Variants in HTR4 observed in about 807,000 individuals in gnomAD.
HTR4 encodes 5-hydroxytryptamine (serotonin) receptor 4, G protein-coupled.
A neutral mutation model predicts 36.8 loss-of-function variants in HTR4; 16 were observed. The ratio of observed to expected loss-of-function variants is 0.43; its 90% CI spans 0.29 to 0.66. HTR4 has a LOEUF of 0.66. HTR4 is among the 30% of genes least tolerant of loss of function. HTR4 has a pLI of 0.13. For missense variants in HTR4, 438 were observed against 490.9 expected, an observed-to-expected ratio of 0.89 and a Z score of 1.02; for synonymous variants, 189 against 185.1, an observed-to-expected ratio of 1.02 and a Z score of -0.17.
intron 5 of HTR4, among the ~76,000 whole-genome samples, chr5:148,469,303 T>C (rs1755508136): frequency 6.6e-6 from 1 of 152,216 alleles, no homozygotes; most frequent in South Asian, 2.1e-4. Context: ...GTTAGCTTTT[T>C]TTATAGTCAT....
chr5:148,511,172 T>A, intron 5 of HTR4, among the ~76,000 whole-genome samples: 1 of 152,218 alleles, frequency 6.6e-6, no homozygotes, highest in East Asian at 1.9e-4. Flanking sequence ...TCTTCTTTTT[T>A]CGAATATTTT....
intron 2 of HTR4, among the ~76,000 whole-genome samples, chr5:148,609,637 C>T (rs1752326464): frequency 6.7e-6 from 1 of 149,846 alleles, no homozygotes; most frequent in Non-Finnish European, 1.5e-5. Context: ...GCGATCTAGG[C>T]TCACTGCACG....
chr5:148,536,211 T>G (rs1758817102), intron 4 of HTR4, among the ~76,000 whole-genome samples: 1 of 152,150 alleles, frequency 6.6e-6, no homozygotes, highest in Non-Finnish European at 1.5e-5. Flanking sequence ...CCACCAGACC[T>G]GCTTTACAAG....
At chr5:148,622,677 T>C (rs911836816) in intron 2 of HTR4, among the ~76,000 whole-genome samples, 2 of 152,250 alleles carry the variant, frequency 1.3e-5, no homozygotes, top group Non-Finnish European at 2.9e-5. Context: ...ATTTTCATTT[T>C]CCTTATCTAT....
chr5:148,558,614 C>T (rs1760059048), intron 2 of HTR4, among the ~76,000 whole-genome samples: 1 of 152,172 alleles, frequency 6.6e-6, no homozygotes, highest in Admixed American at 6.5e-5. Context: ...GGACACCTTG[C>T]TCCAAGTTGT....
intron 2 of HTR4, among the ~76,000 whole-genome samples, chr5:148,556,544 C>A (rs1167843960): frequency 6.6e-6 from 1 of 152,160 alleles, no homozygotes; most frequent in Non-Finnish European, 1.5e-5. Context: ...GACAAATTTC[C>A]TGACCTCATG....
Position 148,482,493 on chromosome 5 carries a change from C to T in HTR4, c.*710G>A, listed in dbSNP as rs1227959563. 5.1e-6 allele frequency: 5 copies of T among 985,458 alleles called. No individual in the cohort carries two copies. The highest frequency in any genetic ancestry group is 6.0e-6 in the Non-Finnish European group (5 of 830,084). 61.0% of individuals were successfully genotyped at this position (985,458 alleles called of 1,614,324 possible). A position where few individuals can be genotyped will look rare whatever the true frequency, so the allele number is the denominator to read the frequency against. ...GAGTTGCTGTGGAGACCATTTTCCT[C>T]TGACAGATCTCTGACCCTGTGTCTT... On this transcript the variant is annotated 3_prime_UTR_variant, in exon 7 of 7. Transcript: ENST00000377888.
chr5:148,639,616 A>ACTATATAT (rs1159623162), intron 1 of HTR4, among the ~76,000 whole-genome samples: 1 of 69,168 alleles, frequency 1.4e-5, no homozygotes, highest in Admixed American at 1.3e-4. Flanking sequence ...TTTTCTTCCC[A>ACTATATAT]GTATATATAT....
intron 4 of HTR4, among the ~76,000 whole-genome samples, chr5:148,526,588 A>T (rs1303225758): frequency 1.3e-5 from 2 of 152,204 alleles, no homozygotes; most frequent in Non-Finnish European, 2.9e-5. Flanking sequence ...ATCCTATAGG[A>T]CACTGTTCAC....
chr5:148,481,741 C>T lies in HTR4; in HGVS notation c.*1462G>A. The T allele has an allele frequency of 7.0e-7, 1 of 1,431,330 alleles. No individual in the cohort carries two copies. Among genetic ancestry groups the T allele is most frequent in the Non-Finnish European group, 9.1e-7 (1 of 1,102,510 alleles). 88.7% of individuals were successfully genotyped at this position (1,431,330 alleles called of 1,614,324 possible). On this transcript the variant is annotated 3_prime_UTR_variant, in exon 7 of 7. Coordinates refer to ENST00000377888, the MANE Select transcript of HTR4 (RefSeq NM_000870.7). Reference sequence around the variant, plus strand: ...ATTAAACCACAGCCAAGATCAAAGTCAGAATCTCACATGGCTCTGGGTTTG... The same window carrying T: ...ATTAAACCACAGCCAAGATCAAAGTTAGAATCTCACATGGCTCTGGGTTTG...
At chr5:148,576,392 C>T (rs1314427884) in intron 2 of HTR4, among the ~76,000 whole-genome samples, 2 of 151,884 alleles carry the variant, frequency 1.3e-5, no homozygotes, top group East Asian at 3.9e-4. Flanking sequence ...GCTATACTGT[C>T]CAAAGCAGTT....
intron 5 of HTR4, among the ~76,000 whole-genome samples, chr5:148,470,567 T>C (rs1755543762): frequency 6.6e-6 from 1 of 152,262 alleles, no homozygotes; most frequent in African/African-American, 2.4e-5. Context: ...TTGATTGTTG[T>C]TATTTGTTTT....
rs535986006 is a variant in HTR4, at chr5:148,625,622, C to T, written c.26+11367G>A. Reference sequence around the variant, plus strand: ...TTTTAGACAGAGTCTTGCCTTGTCGCCAGGCTGGAGTGCAGCGGCATGATC... The same window carrying T: ...TTTTAGACAGAGTCTTGCCTTGTCGTCAGGCTGGAGTGCAGCGGCATGATC... On this transcript the variant is annotated intron_variant, in intron 2 of 6. Transcript: ENST00000377888. Among the ~76,000 whole-genome samples, 4 of 152,234 alleles carry T rather than the reference C, an allele frequency of 2.6e-5. No homozygotes were observed. The South Asian group carries it at 8.3e-4, about 32-fold the overall frequency.
intron 2 of HTR4, among the ~76,000 whole-genome samples, chr5:148,576,782 G>T (rs1347252942): frequency 6.6e-6 from 1 of 152,076 alleles, no homozygotes; most frequent in Non-Finnish European, 1.5e-5. Context: ...GAAGATTGAA[G>T]CTGGACTGCT....
intron 6 of HTR4, among the ~76,000 whole-genome samples, chr5:148,504,101 C>A (rs1344889630): frequency 6.6e-6 from 1 of 152,158 alleles, no homozygotes; most frequent in Non-Finnish European, 1.5e-5. Context: ...AGAAAGTTAA[C>A]AAGGATATCC....
At chr5:148,546,123 T>G (rs958719223) in intron 4 of HTR4, among the ~76,000 whole-genome samples, 1 of 152,166 alleles carries the variant, frequency 6.6e-6, no homozygotes, top group African/African-American at 2.4e-5. Flanking sequence ...GGTTTCTAGA[T>G]GATGCAAGCT....
At chr5:148,555,966 A>G (rs1263317774) in intron 2 of HTR4, among the ~76,000 whole-genome samples, 1 of 151,824 alleles carries the variant, frequency 6.6e-6, no homozygotes, top group Non-Finnish European at 1.5e-5. Context: ...ACACACACAC[A>G]CACACTCTCT....
intron 6 of HTR4, among the ~76,000 whole-genome samples, chr5:148,487,949 A>T (rs570148131): frequency 6.6e-6 from 1 of 152,220 alleles, no homozygotes; most frequent in Non-Finnish European, 1.5e-5. Context: ...ATGAGAAAAG[A>T]CTTGGTGATT....
intron 2 of HTR4, among the ~76,000 whole-genome samples, chr5:148,571,243 A>G (rs566235573): frequency 1.1e-4 from 16 of 152,256 alleles, no homozygotes; most frequent in Admixed American, 9.8e-4. Flanking sequence ...AATAAAGGGA[A>G]GGGTATGCTT....
Sources: gnomAD v4.1 joint callset for allele counts (sites outside exome capture counted in the v4.1 genomes callset) on GRCh38, gnomAD v4.1.1 for gene constraint, MANE v1.5 for transcripts, NCBI Gene and HGNC (gene_info 2026-07-23, HGNC 2026-07-21) for gene names.